Variants in TIGAR observed in about 807,000 individuals in gnomAD.
The protein encoded by TIGAR is TP53 induced glycolysis regulatory phosphatase, also known as fructose-2,6-bisphosphatase TIGAR.
A neutral mutation model predicts 17.9 loss-of-function variants in TIGAR; 7 were observed. The ratio of observed to expected loss-of-function variants is 0.39; its 90% confidence interval spans 0.22 to 0.73. TIGAR has a LOEUF of 0.73. Among genes scored for constraint, TIGAR ranks in the 30% least tolerant of loss-of-function variants. The pLI, the probability that TIGAR is intolerant of heterozygous loss-of-function variation, is 0.42. For missense variants in TIGAR, 258 were observed against 327.4 expected (o/e 0.79, Z 1.64); for synonymous variants, 94 against 108.6 (o/e 0.87, Z 0.84).
At chr12:4,333,579 C>A (rs1864626843) in intron 2 of TIGAR, among the ~76,000 whole-genome samples, 1 of 152,152 alleles carries the variant, frequency 6.6e-6, no homozygotes, top group Non-Finnish European at 1.5e-5. Context: ...AGCGATTCTC[C>A]TGTCTCAGCC....
intron 1 of TIGAR, among the ~76,000 whole-genome samples, chr12:4,322,573 A>C (rs1263066467): frequency 6.6e-6 from 1 of 152,240 alleles, no homozygotes; most frequent in Non-Finnish European, 1.5e-5. Flanking sequence ...TGAGTAGGTA[A>C]TGTGTGCCAG....
intron 1 of TIGAR, chr12:4,324,496 A>C (rs903617457): frequency 1.2e-5 from 20 of 1,607,988 alleles, no homozygotes; most frequent in Non-Finnish European, 1.7e-5. Context: ...CTTGATCTCC[A>C]CCTGGTTGAA....
rs1864818641 is a variant in TIGAR, at chr12:4,349,845, C to T, written c.219C>T (p.Ser73=). The part of the protein sequence containing the change: ...KQTMHGILER[S]KFCKDMTVKY... ...CCATGCATGGAATTTTGGAGAGAAG[C>T]AAATTTTGCAAAGATATGACGGTAA... Residue 73 remains serine (S), a synonymous_variant, in exon 4 of 6, where the codon AGC becomes AGT. Coordinates refer to ENST00000179259, the MANE Select transcript of TIGAR (RefSeq NM_020375.3). The T allele has an allele frequency of 6.3e-7, 1 of 1,580,246 alleles. No individual in the cohort carries two copies.
At chr12:4,323,372 T>C (rs986026450) in intron 1 of TIGAR, among the ~76,000 whole-genome samples, 4 of 152,198 alleles carry the variant, frequency 2.6e-5, no homozygotes, top group East Asian at 1.9e-4. Flanking sequence ...TAATAGACAA[T>C]AGTCATATAA....
At position 4,355,637 on chromosome 12, in the gene TIGAR, C is replaced by T. The variant is rs1290917755; in HGVS notation, c.*2946C>T. Among the ~76,000 whole-genome samples, 2 of 152,318 alleles carry T rather than the reference C, an allele frequency of 1.3e-5. No individual in the cohort carries two copies. Among genetic ancestry groups the T allele is most frequent in the African/African-American group, 2.4e-5 (1 of 41,544 alleles). On this transcript the variant is annotated 3_prime_UTR_variant, in exon 6 of 6. Transcript: ENST00000179259. Reference sequence around the variant, plus strand: ...ACATGCCAGGCTATTTTAAGAACTACTACAACTATGATAAAGCTGTGAATA... The same window carrying T: ...ACATGCCAGGCTATTTTAAGAACTATTACAACTATGATAAAGCTGTGAATA...
chr12:4,337,629 AT>A (rs1385154685), intron 3 of TIGAR, among the ~76,000 whole-genome samples: 2 of 152,218 alleles, frequency 1.3e-5, no homozygotes, highest in African/African-American at 2.4e-5. Flanking sequence ...TTTAAAAAAA[AT>A]AATTTTTAAA....
At chr12:4,343,348 T>C (rs1381150359) in intron 3 of TIGAR, among the ~76,000 whole-genome samples, 3 of 152,068 alleles carry the variant, frequency 2.0e-5, no homozygotes, top group Non-Finnish European at 1.5e-5. Context: ...TAAAAGGATA[T>C]CCAGGAATTG....
intron 3 of TIGAR, among the ~76,000 whole-genome samples, chr12:4,344,522 C>G (rs1338370738): frequency 6.6e-6 from 1 of 152,172 alleles, no homozygotes; most frequent in Non-Finnish European, 1.5e-5. Context: ...AAAAGCTTAT[C>G]CACCATGATC....
chr12:4,337,910 C>A (rs1293307391), intron 3 of TIGAR, among the ~76,000 whole-genome samples: 1 of 152,148 alleles, frequency 6.6e-6, no homozygotes, highest in Admixed American at 6.5e-5. Flanking sequence ...GCAGGTGGAT[C>A]ACTTGAGGTC....
Position 4,321,585 on chromosome 12 carries a change from G to A in TIGAR, c.32+282G>A, listed in dbSNP as rs955026145. ...AGGAGCAAGGGATCGGGGTTCGTAG[G>A]CACTTGGTGGCTGCACCAAAAACGG... On this transcript the variant is annotated intron_variant, in intron 1 of 5. Coordinates refer to ENST00000179259, the MANE Select transcript of TIGAR (RefSeq NM_020375.3). This position sits in a 1 kb window ranked among gnomAD's most constrained non-coding sequence, Gnocchi z 5.2. Among the ~76,000 whole-genome samples the A allele has an allele frequency of 6.6e-6, 1 of 152,174 alleles. No individual in the cohort carries two copies. The highest frequency in any genetic ancestry group is 1.5e-5 in the Non-Finnish European group (1 of 68,030).
chr12:4,341,351 G>A (rs999862497), intron 3 of TIGAR, among the ~76,000 whole-genome samples: 2 of 152,100 alleles, frequency 1.3e-5, no homozygotes, highest in Admixed American at 6.6e-5. Context: ...CGCAGAAGAC[G>A]GGTGATTTCT....
At chr12:4,337,195 C>CGTCA in intron 3 of TIGAR, 35 bp downstream of exon 3, 1 of 1,532,988 alleles carries the variant, frequency 6.5e-7, no homozygotes, top group Non-Finnish European at 9.0e-7. Flanking sequence ...TGAGACAGAG[C>CGTCA]GTCACTCTAT....
intron 3 of TIGAR, among the ~76,000 whole-genome samples, chr12:4,339,299 A>G (rs1204822782): frequency 6.6e-6 from 1 of 152,204 alleles, no homozygotes; most frequent in Non-Finnish European, 1.5e-5. Context: ...TGGAAAATCT[A>G]GAGGAAATGC....
At chr12:4,351,155 G>A (rs1864833798) in intron 4 of TIGAR, 112 bp from the exon 5 acceptor site, 1 of 893,412 alleles carries the variant, frequency 1.1e-6, no homozygotes, top group South Asian at 1.6e-5. Flanking sequence ...CAATTAAGTG[G>A]AGGAGAGTTA....
chr12:4,324,679 T>G (rs1864520102), intron 1 of TIGAR: 10 of 1,039,256 alleles, frequency 9.6e-6, no homozygotes, highest in Non-Finnish European at 1.5e-5. Context: ...CGGGTTCACT[T>G]GCGGCCGCTG....
rs11063103 is a variant in TIGAR, at chr12:4,358,265, A to G, written c.*5574A>G. 3.4e-4 allele frequency among the ~76,000 whole-genome samples: 52 copies of G among 151,020 alleles called. 1 individual carries two copies. The East Asian group carries it at 6.4e-3, about 19-fold the overall frequency. On this transcript the variant is annotated 3_prime_UTR_variant, in exon 6 of 6. Transcript: ENST00000179259. ...GTGAAACCCTGTCTTTACTAAAAAT[A>G]CAAAAATTAGCTGGGCGTCTCCAAA...
intron 3 of TIGAR, among the ~76,000 whole-genome samples, chr12:4,346,754 T>TA (rs1187188820): frequency 1.3e-5 from 2 of 151,104 alleles, no homozygotes; most frequent in African/African-American, 2.4e-5. Flanking sequence ...TAAAGTATAA[T>TA]AAAAAATATA....
At position 4,352,682 on chromosome 12, in the gene TIGAR, A is replaced by G; in HGVS notation, c.804A>G (p.Glu268=). The G allele has an allele frequency of 2.5e-6, 4 of 1,600,180 alleles. No homozygotes were observed. The highest frequency in any genetic ancestry group is 2.5e-6 in the Non-Finnish European group (3 of 1,179,436). ...AGGATCATCTAAATGGACTGACTGA[A>G]ACTCGCTAAGGTTAAATCTGCATCA... is the stretch of plus-strand genomic sequence containing the variant. ...NLQDHLNGLT[E]TR is the part of the protein sequence containing the mutation. The change falls in exon 6 of 6, where the codon GAA becomes GAG. Residue 268 remains glutamate (E), a synonymous_variant. Transcript: ENST00000179259.
chr12:4,334,010 CT>C (rs1393566062), intron 2 of TIGAR, among the ~76,000 whole-genome samples: 2 of 150,894 alleles, frequency 1.3e-5, no homozygotes, highest in African/African-American at 4.9e-5. Context: ...TATAGTCTTT[CT>C]TTTTTTAATC....
Sources: allele counts gnomAD v4.1 joint callset (sites outside exome capture counted in the v4.1 genomes callset), GRCh38; gene constraint gnomAD v4.1.1; non-coding constraint Gnocchi (gnomAD v3.1); transcripts MANE v1.5; gene names NCBI Gene and HGNC (gene_info 2026-07-23, HGNC 2026-07-21).